Variants in RAPGEF6 observed in about 807,000 individuals in gnomAD.
The protein encoded by RAPGEF6 is Rap guanine nucleotide exchange factor 6.
In RAPGEF6, 56 loss-of-function variants were observed where a neutral mutation model predicts 171.4. That is an observed-to-expected ratio of 0.33 (90% CI 0.26 to 0.41). The LOEUF is 0.41. Ranked by LOEUF, RAPGEF6 falls within the 10% of genes least tolerant of loss-of-function variation. The pLI is 1.00. For synonymous variants in RAPGEF6, 692 were observed against 650.1 expected (o/e 1.06, Z -0.98); for missense variants, 1,674 against 1,921.4 (o/e 0.87, Z 2.41).
intron 4 of RAPGEF6, among the ~76,000 whole-genome samples, chr5:131,587,425 A>T (rs927500780): frequency 6.6e-6 from 1 of 152,246 alleles, no homozygotes; most frequent in Non-Finnish European, 1.5e-5. Flanking sequence ...TAGATTTAAG[A>T]AAAGGCATGG....
At chr5:131,609,436 T>G (rs1299975405) in intron 1 of RAPGEF6, among the ~76,000 whole-genome samples, 1 of 152,190 alleles carries the variant, frequency 6.6e-6, no homozygotes, top group Non-Finnish European at 1.5e-5. Context: ...TAAAGTTTTC[T>G]GTATTCCACA....
intron 6 of RAPGEF6, among the ~76,000 whole-genome samples, chr5:131,525,501 G>A (rs1758814610): frequency 6.6e-6 from 1 of 152,090 alleles, no homozygotes; most frequent in Non-Finnish European, 1.5e-5. Flanking sequence ...TGTGGGATAA[G>A]TTAAAGTCAT....
chr5:131,561,383 C>T (rs186706825), intron 5 of RAPGEF6, among the ~76,000 whole-genome samples: 6 of 152,086 alleles, frequency 3.9e-5, no homozygotes, highest in Admixed American at 3.9e-4. Flanking sequence ...TGAGGCTGGG[C>T]GCAGTGACCC....
chr5:131,568,119 C>A (rs1424996545), intron 4 of RAPGEF6, among the ~76,000 whole-genome samples: 1 of 152,156 alleles, frequency 6.6e-6, no homozygotes, highest in Non-Finnish European at 1.5e-5. Context: ...TGAATTGTCA[C>A]AGAACCTGAT....
chr5:131,629,236 T>C (rs557956165), intron 1 of RAPGEF6, among the ~76,000 whole-genome samples: 18 of 152,012 alleles, frequency 1.2e-4, no homozygotes, highest in Non-Finnish European at 2.1e-4. Flanking sequence ...TCCCAACACT[T>C]TGGGAGGCTG....
intron 4 of RAPGEF6, among the ~76,000 whole-genome samples, chr5:131,582,540 T>TA (rs546002035): frequency 8.6e-4 from 131 of 152,312 alleles, no homozygotes; most frequent in African/African-American, 3.1e-3. Context: ...CTTGGGTTAA[T>TA]AGCAGATTTT....
At chr5:131,575,795 C>A (rs1439904792) in intron 4 of RAPGEF6, among the ~76,000 whole-genome samples, 3 of 152,138 alleles carry the variant, frequency 2.0e-5, no homozygotes, top group African/African-American at 7.2e-5. Context: ...GGTCGGAGTT[C>A]TCTTACACAG....
rs1291862586 is a variant in RAPGEF6 at position 131,604,707 on chromosome 5, GA to G, written c.70-15del. The G allele has an allele frequency of 6.3e-7, 1 of 1,586,984 alleles. No individual in the cohort carries two copies. Among genetic ancestry groups the G allele is most frequent in the Non-Finnish European group, 8.5e-7 (1 of 1,170,282 alleles). The stretch of plus-strand genomic sequence containing the variant: ...AGTATTTAAGTCCTGTGGAACAGAA[GA>G]AAAAAATTAGATTATTTTTCAAATA... On this transcript the variant is annotated splice_polypyrimidine_tract_variant and intron_variant, in intron 1 of 27. Coordinates refer to ENST00000509018, the MANE Select transcript of RAPGEF6 (RefSeq NM_016340.6).
At chr5:131,510,934 AG>A (rs1401040253) in intron 7 of RAPGEF6, among the ~76,000 whole-genome samples, 1 of 152,224 alleles carries the variant, frequency 6.6e-6, no homozygotes, top group Non-Finnish European at 1.5e-5. Flanking sequence ...ACTTAGGCTT[AG>A]TAGGGTAGGT....
intron 3 of RAPGEF6, among the ~76,000 whole-genome samples, chr5:131,593,514 G>A (rs769847140): frequency 1.8e-4 from 28 of 152,218 alleles, no homozygotes; most frequent in Non-Finnish European, 3.2e-4. Context: ...TGGTTTGGAG[G>A]ACTCAGAAAA....
intron 4 of RAPGEF6, among the ~76,000 whole-genome samples, chr5:131,565,732 T>A (rs1439582673): frequency 1.3e-5 from 2 of 152,110 alleles, no homozygotes; most frequent in Non-Finnish European, 2.9e-5. Flanking sequence ...CCAAAAGAAT[T>A]CAATGGAGAA....
chr5:131,487,003 T>C (rs896903739), intron 15 of RAPGEF6, among the ~76,000 whole-genome samples: 12 of 152,306 alleles, frequency 7.9e-5, no homozygotes, highest in African/African-American at 2.9e-4. Flanking sequence ...ATAAAAGGAC[T>C]GAGAATGGTT....
intron 6 of RAPGEF6, among the ~76,000 whole-genome samples, chr5:131,540,822 C>A (rs1760085466): frequency 6.6e-6 from 1 of 152,122 alleles, no homozygotes; most frequent in Non-Finnish European, 1.5e-5. Flanking sequence ...GTTTATTGGT[C>A]CTGGTTTAAT....
At chr5:131,537,885 G>A (rs966053469) in intron 6 of RAPGEF6, among the ~76,000 whole-genome samples, 1 of 151,644 alleles carries the variant, frequency 6.6e-6, no homozygotes, top group African/African-American at 2.4e-5. Flanking sequence ...TGGAGCCCAC[G>A]AGTTCAAGAC....
At chr5:131,516,237 C>T (rs1439441591) in intron 7 of RAPGEF6, among the ~76,000 whole-genome samples, 6 of 151,734 alleles carry the variant, frequency 4.0e-5, no homozygotes, top group Non-Finnish European at 5.9e-5. Context: ...TGCGCCACCG[C>T]ACGTGGCTAC....
intron 14 of RAPGEF6, 60 bp downstream of exon 14, chr5:131,492,522 A>G: frequency 6.5e-7 from 1 of 1,527,942 alleles, no homozygotes; most frequent in South Asian, 1.1e-5. Flanking sequence ...ATGAGAACAA[A>G]AGCAGCAGGC....
intron 6 of RAPGEF6, among the ~76,000 whole-genome samples, chr5:131,527,115 TACA>T (rs1434392051): frequency 2.0e-5 from 3 of 152,146 alleles, no homozygotes; most frequent in Non-Finnish European, 4.4e-5. Context: ...TAGATTTTGT[TACA>T]ACAATAGGGG....
At chr5:131,456,158 GA>G (rs1188747193) in intron 19 of RAPGEF6, 146 bp from the exon 20 acceptor site, 6 of 591,628 alleles carry the variant, frequency 1.0e-5, no homozygotes, top group Non-Finnish European at 1.7e-5. Context: ...GAAAAACTGA[GA>G]AAAAAATAAA....
At chr5:131,568,892 A>G (rs933299360) in intron 4 of RAPGEF6, among the ~76,000 whole-genome samples, 9 of 152,248 alleles carry the variant, frequency 5.9e-5, no homozygotes, top group African/African-American at 2.2e-4. Context: ...TCAAGGTCAC[A>G]GGATATAAGA....
Sources: allele counts gnomAD v4.1 joint callset (sites outside exome capture counted in the v4.1 genomes callset), GRCh38; gene constraint gnomAD v4.1.1; transcripts MANE v1.5; gene names NCBI Gene and HGNC (gene_info 2026-07-23, HGNC 2026-07-21).